PYCR2: variants seen among roughly 807,000 people sequenced by gnomAD.
PYCR2 encodes pyrroline-5-carboxylate reductase 2.
A neutral mutation model predicts 23.4 loss-of-function variants in PYCR2; 17 were observed. That is an observed-to-expected ratio of 0.73 (90% confidence interval 0.50 to 1.09). The LOEUF is 1.09. PYCR2 is among the 50% of genes least tolerant of loss of function. PYCR2 has a pLI of 0.00. For missense variants in PYCR2, 380 were observed against 423.5 expected, an observed-to-expected ratio of 0.90 and a Z score of 0.90; for synonymous variants, 172 against 176.6, an observed-to-expected ratio of 0.97 and a Z score of 0.21.
chr1:225,920,206 TTG>T lies in PYCR2; in HGVS notation c.*247_*248del. The stretch of plus-strand genomic sequence containing the variant: ...CACCAACTGAGCAGCGTACGCAGGG[TTG>T]TGTCTGGCTTCCAGCATCTACCACC... On this transcript the variant is annotated 3_prime_UTR_variant, in exon 7 of 7. Coordinates refer to ENST00000343818, the MANE Select transcript of PYCR2 (RefSeq NM_013328.4). 1 of 277,712 alleles carries T rather than the reference TTG, an allele frequency of 3.6e-6. No homozygotes were observed. Among genetic ancestry groups the T allele is most frequent in the South Asian group, 9.9e-5 (1 of 10,096 alleles). 17.2% of individuals were successfully genotyped at this position (277,712 alleles called of 1,614,324 possible). A position where few individuals can be genotyped will look rare whatever the true frequency, so the allele number is the denominator to read the frequency against.
rs1671865251 is a variant in PYCR2 at position 225,922,332 on chromosome 1, C to T, written c.190G>A (p.Asp64Asn). 5 of 1,614,058 alleles carry T rather than the reference C, an allele frequency of 3.1e-6. No individual in the cohort carries two copies. The highest frequency in any genetic ancestry group is 1.6e-4 in the Middle Eastern group (1 of 6,084). Reference protein sequence around the residue: ...RSNKETVKHSDVLFLAVKPHI... With the variant: ...RSNKETVKHSNVLFLAVKPHI... ...GGCTTCACAGCCAGAAACAGGACGT[C>T]GCTGTGCTTCACCGTCTCCTTGTTG... The change falls in exon 3 of 7, where the codon GAC (aspartate) becomes AAC (asparagine). Residue 64 changes from aspartate to asparagine, a missense_variant. Transcript: ENST00000343818.
intron 2 of PYCR2, 185 bp downstream of exon 2, chr1:225,923,516 C>G: frequency 2.1e-6 from 3 of 1,441,978 alleles, no homozygotes; most frequent in Non-Finnish European, 2.7e-6. Flanking sequence ...GTTATGTCTC[C>G]CTGGGTGTTC....
chr1:225,920,512 G>C lies in PYCR2; in HGVS notation c.906C>G (p.Pro302=). Reference sequence around the variant, plus strand: ...TTGTGAGGAGCTTCCCTGGGCTGGAGGGGGTCAGTGTGGAGACTGTGGGGG... The same window carrying C: ...TTGTGAGGAGCTTCCCTGGGCTGGACGGGGTCAGTGTGGAGACTGTGGGGG... ...LESPTVSTLT[P]SSPGKLLTRS... The change falls in exon 7 of 7, where the codon CCC becomes CCG. Residue 302 remains proline, a synonymous_variant. Coordinates refer to ENST00000343818, the MANE Select transcript of PYCR2 (RefSeq NM_013328.4). The C allele has an allele frequency of 6.5e-7, 1 of 1,539,004 alleles. No homozygotes were observed. Among genetic ancestry groups the C allele is most frequent in the Non-Finnish European group, 8.9e-7 (1 of 1,120,514 alleles).
chr1:225,920,835 A>T (rs1470243927), intron 6 of PYCR2, among the ~76,000 whole-genome samples: 1 of 152,150 alleles, frequency 6.6e-6, no homozygotes, highest in Non-Finnish European at 1.5e-5. Context: ...ATCTCATTTG[A>T]TCAGAGCCCC....
Position 225,920,371 on chromosome 1 carries a change from T to C in PYCR2, c.*84A>G. 8.7e-7 allele frequency: 1 copy of C among 1,150,262 alleles called. No homozygotes were observed. Among genetic ancestry groups the C allele is most frequent in the African/African-American group, 2.9e-5 (1 of 34,478 alleles). 71.3% of individuals were successfully genotyped at this position (1,150,262 alleles called of 1,614,324 possible). A position where few individuals can be genotyped will look rare whatever the true frequency, so the allele number is the denominator to read the frequency against. On this transcript the variant is annotated 3_prime_UTR_variant, in exon 7 of 7. Transcript: ENST00000343818. The stretch of plus-strand genomic sequence containing the variant: ...TCCTTGCACAGCTGAGGAGGGGCAA[T>C]GGTGGGAGCGGGGCAGGGGGGTGGC...
In PYCR2 at chr1:225,921,869, C is replaced by G; in HGVS notation, c.529G>C (p.Gly177Arg). The G allele has an allele frequency of 6.2e-7, 1 of 1,612,948 alleles. No homozygotes were observed. The highest frequency in any genetic ancestry group is 1.1e-5 in the South Asian group (1 of 91,036). Residue 177 changes from glycine (G) to arginine (R), a missense_variant, in exon 4 of 7, where the codon GGG (glycine) becomes CGG (arginine). By Grantham distance (125) the Gly-to-Arg change is moderately radical. Coordinates refer to ENST00000343818, the MANE Select transcript of PYCR2 (RefSeq NM_013328.4). The surrounding 1 kb of genome is among the most constrained non-coding windows in gnomAD (Gnocchi z 4.2). ...AATGAGGGCCTCACATAGGCAGGCC[C>G]GCTGCCACTGAGCCCCGTGACGGCA... ...IDAVTGLSGS[G>R]PAYAFMALDA...
rs938623421 is a variant in PYCR2, at chr1:225,924,067, A to G, written c.44T>C (p.Leu15Pro). The G allele has an allele frequency of 6.5e-7, 1 of 1,544,242 alleles. No homozygotes were observed. Among genetic ancestry groups the G allele is most frequent in the Admixed American group, 1.9e-5 (1 of 51,326 alleles). The change falls in exon 1 of 7, where the codon CTG becomes CCG. Residue 15 changes from leucine to proline, a missense_variant. By Grantham distance (98) the Leu-to-Pro change is moderately conservative. Transcript: ENST00000343818. ...FIGAGQLAYA[L>P]ARGFTAAGIL... ...GCCTGCGGCCGTGAAGCCCCGCGCC[A>G]GAGCATAGGCCAGCTGGCCGGCCCC...
Position 225,923,738 on chromosome 1 carries a change from G to A in PYCR2, c.101C>T (p.Ser34Phe), listed in dbSNP as rs762314308. The A allele has an allele frequency of 6.2e-7, 1 of 1,614,176 alleles. No homozygotes were observed. Among genetic ancestry groups the A allele is most frequent in the East Asian group, 2.2e-5 (1 of 44,880 alleles). Residue 34 changes from serine (S) to phenylalanine (F), a missense_variant, in exon 2 of 7, where the codon TCC (serine) becomes TTC (phenylalanine). Ser to Phe is a radical substitution (Grantham distance 155). Coordinates refer to ENST00000343818, the MANE Select transcript of PYCR2 (RefSeq NM_013328.4). ...ILSAHKIIAS[S>F]PEMNLPTVSA... is the part of the protein sequence containing the mutation. ...CACCGTGGGCAGGTTCATTTCTGGG[G>A]AGCTGGCTATTATCTTGTGAGCCGA...
intron 2 of PYCR2, 167 bp downstream of exon 2, chr1:225,923,534 A>G: frequency 6.8e-7 from 1 of 1,463,956 alleles, no homozygotes; most frequent in Non-Finnish European, 9.0e-7. Context: ...TTCCCACCAC[A>G]TTGAGCTGCC....
intron 2 of PYCR2, 90 bp downstream of exon 2, chr1:225,923,611 T>C (rs114393808): frequency 1.2e-6 from 2 of 1,602,720 alleles, no homozygotes; most frequent in African/African-American, 2.7e-5. Flanking sequence ...GACCAGCACT[T>C]GGGCGCAGGG....
chr1:225,921,079 A>G lies in PYCR2; in HGVS notation c.797+129T>C. The G allele has an allele frequency of 7.1e-6, 7 of 988,076 alleles. No individual in the cohort carries two copies. Among genetic ancestry groups the G allele is most frequent in the Non-Finnish European group, 1.1e-5 (7 of 665,900 alleles). 61.2% of individuals were successfully genotyped at this position (988,076 alleles called of 1,614,324 possible). A position where few individuals can be genotyped will look rare whatever the true frequency, so the allele number is the denominator to read the frequency against. ...CAAAATCTACTAAGTTGTGGTTATT[A>G]ACAGAGCACAGACTCCAACACTGCT... On this transcript the variant is annotated intron_variant, in intron 6 of 6. Coordinates refer to ENST00000343818, the MANE Select transcript of PYCR2 (RefSeq NM_013328.4). This position sits in a 1 kb window ranked among gnomAD's most constrained non-coding sequence, Gnocchi z 4.2.
chr1:225,922,482 A>C, intron 2 of PYCR2, 99 bp from the exon 3 acceptor site: 1 of 1,303,104 alleles, frequency 7.7e-7, no homozygotes, highest in South Asian at 1.4e-5. Context: ...ATTCTGCCAG[A>C]TGCAGCCTGG....
intron 2 of PYCR2, 152 bp from the exon 3 acceptor site, chr1:225,922,535 A>C: frequency 2.8e-6 from 2 of 705,510 alleles, no homozygotes; most frequent in Non-Finnish European, 4.6e-6. Flanking sequence ...CCTACCCCAA[A>C]TAATACAGTT....
At position 225,921,846 on chromosome 1, in the gene PYCR2, T is replaced by G; in HGVS notation, c.540+12A>C. 1 of 1,612,730 alleles carries G rather than the reference T, an allele frequency of 6.2e-7. No homozygotes were observed. Among genetic ancestry groups the G allele is most frequent in the Non-Finnish European group, 8.5e-7 (1 of 1,179,898 alleles). On this transcript the variant is annotated intron_variant, in intron 4 of 6. Transcript: ENST00000343818. This position sits in a 1 kb window ranked among gnomAD's most constrained non-coding sequence, Gnocchi z 4.2. ...GTTCCTAGAAGGCTGAGCGAGCAAA[T>G]GAGGGCCTCACATAGGCAGGCCCGC...
rs780599845 is a variant in PYCR2 at position 225,921,345 on chromosome 1, C to T, written c.660G>A (p.Ser220=). The T allele has an allele frequency of 1.1e-4, 168 of 1,553,408 alleles. No individual in the cohort carries two copies. Among genetic ancestry groups the T allele is most frequent in the Non-Finnish European group, 1.4e-4 (161 of 1,125,364 alleles). ...CCTTAAGCTGGCATGGATGCTGCTC[C>T]GAGTCCAGCAGCATCTTGGCAGCTC... ...LLGAAKMLLD[S]EQHPCQLKDN... The change falls in exon 6 of 7, where the codon TCG becomes TCA. Residue 220 remains serine, a synonymous_variant. Transcript: ENST00000343818. This position sits in a 1 kb window ranked among gnomAD's most constrained non-coding sequence, Gnocchi z 4.2.
intron 2 of PYCR2, chr1:225,922,833 T>C: frequency 3.6e-6 from 1 of 275,862 alleles, no homozygotes; most frequent in Non-Finnish European, 5.7e-6. Flanking sequence ...CATCCATCCC[T>C]CTATGACTCC....
chr1:225,923,552 A>G, intron 2 of PYCR2, 149 bp downstream of exon 2: 1 of 1,492,686 alleles, frequency 6.7e-7, no homozygotes. Flanking sequence ...GCCCAAGAGA[A>G]GGTGGAAAGA....
Position 225,923,847 on chromosome 1 carries a change from G to A in PYCR2, c.68-76C>T. 1.9e-6 allele frequency: 3 copies of A among 1,597,450 alleles called. No individual in the cohort carries two copies. In the South Asian group the frequency reaches 3.3e-5, roughly 18 times the overall value. On this transcript the variant is annotated intron_variant, in intron 1 of 6. Coordinates refer to ENST00000343818, the MANE Select transcript of PYCR2 (RefSeq NM_013328.4). ...ACGCTTTCCCTGGCTCTAAAACCCA[G>A]AGCCGTCCTAACAGTGCCAGTCTCC...
intron 2 of PYCR2, 182 bp from the exon 3 acceptor site, chr1:225,922,565 C>T (rs1671872510): frequency 4.8e-6 from 3 of 622,398 alleles, no homozygotes; most frequent in African/African-American, 3.7e-5. Context: ...TGCTACTGGA[C>T]AAGTAAGCAC....
Sources: gnomAD v4.1 joint callset for allele counts (sites outside exome capture counted in the v4.1 genomes callset) on GRCh38, gnomAD v4.1.1 for gene constraint, Gnocchi (gnomAD v3.1) non-coding constraint, MANE v1.5 for transcripts, NCBI Gene and HGNC (gene_info 2026-07-23, HGNC 2026-07-21) for gene names.